EXOC4: variants seen among roughly 807,000 people sequenced by gnomAD.
The protein encoded by EXOC4 is exocyst complex component 4.
In EXOC4, 71 loss-of-function variants were observed where a neutral mutation model predicts 107.2. The ratio of observed to expected loss-of-function variants is 0.66; its 90% CI spans 0.55 to 0.81. EXOC4 has a LOEUF of 0.81. Ranked by LOEUF, EXOC4 falls within the 30% of genes least tolerant of loss-of-function variation. The pLI is 0.00. For missense variants in EXOC4, 1,108 were observed against 1,189.6 expected (o/e 0.93, Z 1.01); for synonymous variants, 456 against 441.2 (o/e 1.03, Z -0.42).
At chr7:133,261,807 A>T (rs1226849540) in intron 1 of EXOC4, among the ~76,000 whole-genome samples, 10 of 151,974 alleles carry the variant, frequency 6.6e-5, no homozygotes, top group Non-Finnish European at 1.5e-4. Context: ...AAATTTTTTC[A>T]CTCTGGCCTG....
intron 9 of EXOC4, among the ~76,000 whole-genome samples, chr7:133,552,065 A>G (rs1397864254): frequency 6.6e-6 from 1 of 152,176 alleles, no homozygotes; most frequent in Non-Finnish European, 1.5e-5. Context: ...TTCAGGAATA[A>G]TGATATTGTG....
chr7:133,287,776 T>A (rs916699790), intron 2 of EXOC4, among the ~76,000 whole-genome samples: 2 of 152,240 alleles, frequency 1.3e-5, no homozygotes, highest in African/African-American at 4.8e-5. Context: ...GTCCTCATAT[T>A]TTCCGTACTT....
At chr7:134,041,486 A>G (rs1795516236) in intron 17 of EXOC4, among the ~76,000 whole-genome samples, 1 of 152,204 alleles carries the variant, frequency 6.6e-6, no homozygotes, top group Non-Finnish European at 1.5e-5. Flanking sequence ...TGCACACTCA[A>G]AATCAATTTG....
chr7:133,968,487 T>C (rs1801123730), intron 14 of EXOC4, among the ~76,000 whole-genome samples: 1 of 152,192 alleles, frequency 6.6e-6, no homozygotes, highest in Non-Finnish European at 1.5e-5. Flanking sequence ...CCAGCTTTTC[T>C]TTTCCATATT....
rs1428815155 is a variant in EXOC4 at position 133,484,610 on chromosome 7, A to G, written c.1417+4472A>G. Among the ~76,000 whole-genome samples, 3 of 152,194 alleles carry G rather than the reference A, an allele frequency of 2.0e-5. No homozygotes were observed. In the South Asian group the frequency reaches 6.2e-4, roughly 31 times the overall value. ...CCAAAATAAGCTCACAGGTTTATCA[A>G]TGACATTCTGCCTCAGATTTCTCAT... On this transcript the variant is annotated intron_variant, in intron 9 of 17. Coordinates refer to ENST00000253861, the MANE Select transcript of EXOC4 (RefSeq NM_021807.4).
intron 9 of EXOC4, among the ~76,000 whole-genome samples, chr7:133,607,195 C>T (rs1222180580): frequency 1.3e-5 from 2 of 152,086 alleles, no homozygotes; most frequent in Non-Finnish European, 1.5e-5. Context: ...CCATACGGCC[C>T]TGATTTTTAA....
intron 17 of EXOC4, among the ~76,000 whole-genome samples, chr7:134,028,653 A>T (rs1795199847): frequency 6.6e-6 from 1 of 152,188 alleles, no homozygotes; most frequent in Admixed American, 6.5e-5. Flanking sequence ...GTCTTCACCT[A>T]ACTTGTTAAG....
chr7:133,412,252 T>C (rs551942855), intron 7 of EXOC4, among the ~76,000 whole-genome samples: 11 of 147,062 alleles, frequency 7.5e-5, no homozygotes, highest in African/African-American at 2.2e-4. Flanking sequence ...TTCTGATTTG[T>C]ATCTGGTCAA....
At chr7:133,790,733 A>G (rs539340982) in intron 10 of EXOC4, among the ~76,000 whole-genome samples, 1 of 152,392 alleles carries the variant, frequency 6.6e-6, no homozygotes, top group East Asian at 1.9e-4. Flanking sequence ...CCATGAAACA[A>G]ACCTTTCCAG....
At chr7:133,350,232 A>G (rs1309629340) in intron 5 of EXOC4, among the ~76,000 whole-genome samples, 5 of 152,022 alleles carry the variant, frequency 3.3e-5, no homozygotes, top group Non-Finnish European at 5.9e-5. Flanking sequence ...TATCATATCC[A>G]AAAAAATCAT....
intron 9 of EXOC4, among the ~76,000 whole-genome samples, chr7:133,519,057 A>C (rs1327826067): frequency 6.6e-6 from 1 of 152,206 alleles, no homozygotes; most frequent in Non-Finnish European, 1.5e-5. Context: ...GGCAACTTCT[A>C]AATATCTAAC....
chr7:133,818,043 A>T (rs1797416991), intron 11 of EXOC4, among the ~76,000 whole-genome samples: 1 of 152,176 alleles, frequency 6.6e-6, no homozygotes, highest in Non-Finnish European at 1.5e-5. Context: ...TCACATGATG[A>T]TCTTGTTAGT....
intron 8 of EXOC4, 70 bp from the exon 9 acceptor site, chr7:133,479,980 G>C: frequency 8.2e-7 from 1 of 1,216,644 alleles, no homozygotes; most frequent in Non-Finnish European, 1.2e-6. Context: ...AGAATAATGT[G>C]GAATACAGAG....
intron 14 of EXOC4, among the ~76,000 whole-genome samples, chr7:133,949,632 A>G (rs1800642419): frequency 6.6e-6 from 1 of 152,226 alleles, no homozygotes; most frequent in Non-Finnish European, 1.5e-5. Flanking sequence ...TGCTACAGAT[A>G]AAAATTCAAT....
At chr7:133,290,711 A>T (rs923927889) in intron 3 of EXOC4, among the ~76,000 whole-genome samples, 16 of 152,228 alleles carry the variant, frequency 1.1e-4, no homozygotes, top group Non-Finnish European at 4.4e-5. Context: ...TTAAGGGCTA[A>T]TCAATAATGA....
At chr7:133,403,106 A>C (rs1797129854) in intron 7 of EXOC4, among the ~76,000 whole-genome samples, 1 of 146,142 alleles carries the variant, frequency 6.8e-6, no homozygotes, top group Admixed American at 6.9e-5. Context: ...GATGGTCTTG[A>C]TCTCCTGACC....
At chr7:133,325,190 G>A (rs557785054) in intron 5 of EXOC4, among the ~76,000 whole-genome samples, 2 of 152,230 alleles carry the variant, frequency 1.3e-5, no homozygotes, top group African/African-American at 4.8e-5. Flanking sequence ...TCTTTTCATT[G>A]GAGCATTTAG....
intron 9 of EXOC4, among the ~76,000 whole-genome samples, chr7:133,588,505 A>T (rs1422036741): frequency 6.6e-6 from 1 of 152,202 alleles, no homozygotes; most frequent in East Asian, 1.9e-4. Context: ...TATTTGCTCT[A>T]TAAAAATGTG....
At chr7:133,608,546 C>CTTTTTTTTTTT (rs1161155238) in intron 9 of EXOC4, among the ~76,000 whole-genome samples, 2 of 85,026 alleles carry the variant, frequency 2.4e-5, no homozygotes, top group Non-Finnish European at 4.4e-5. Context: ...TGCTGTATTT[C>CTTTTTTTTTTT]TTTTTTTTTT....
Sources: gnomAD v4.1 joint callset for allele counts (sites outside exome capture counted in the v4.1 genomes callset) on GRCh38, gnomAD v4.1.1 for gene constraint, MANE v1.5 for transcripts, NCBI Gene and HGNC (gene_info 2026-07-23, HGNC 2026-07-21) for gene names.